CTNNA2: variants seen among roughly 807,000 people sequenced by gnomAD.
CTNNA2 encodes the protein catenin alpha 2, also known as catenin alpha-2.
A neutral mutation model predicts 101.0 loss-of-function variants in CTNNA2; 42 were observed. That is an observed-to-expected ratio of 0.42 (90% CI 0.32 to 0.54). The LOEUF is 0.54. CTNNA2 is among the 20% of genes least tolerant of loss of function. CTNNA2 has a pLI of 0.14. For synonymous variants in CTNNA2, 450 were observed against 456.4 expected, an observed-to-expected ratio of 0.99 and a Z score of 0.18; for missense variants, 871 against 1,223.1, an observed-to-expected ratio of 0.71 and a Z score of 4.29.
intron 2 of CTNNA2, among the ~76,000 whole-genome samples, chr2:79,681,891 C>G (rs1420357016): frequency 2.0e-5 from 3 of 152,138 alleles, no homozygotes; most frequent in Non-Finnish European, 4.4e-5. Context: ...AACAAAGTAT[C>G]TTTGAGGTTT....
intron 3 of CTNNA2, among the ~76,000 whole-genome samples, chr2:79,344,823 AT>A (rs1011338091): frequency 1.4e-5 from 2 of 145,512 alleles, no homozygotes; most frequent in African/African-American, 5.0e-5. Flanking sequence ...TATATATATA[AT>A]ATATAATATA....
intron 7 of CTNNA2, among the ~76,000 whole-genome samples, chr2:80,040,099 G>C (rs1558751724): frequency 6.6e-6 from 1 of 152,134 alleles, no homozygotes; most frequent in Non-Finnish European, 1.5e-5. Context: ...ACCAAACTCT[G>C]GCAGTTTGTA....
chr2:79,300,620 C>T (rs1676086242), intron 2 of CTNNA2, among the ~76,000 whole-genome samples: 2 of 152,138 alleles, frequency 1.3e-5, no homozygotes, highest in Admixed American at 1.3e-4. Flanking sequence ...ACCCAACCAC[C>T]TAAAACCTGA....
intron 7 of CTNNA2, among the ~76,000 whole-genome samples, chr2:80,165,661 G>T (rs943354363): frequency 6.6e-6 from 1 of 152,286 alleles, no homozygotes; most frequent in East Asian, 1.9e-4. Context: ...TGACATCTTA[G>T]TGGGGATGAC....
chr2:80,286,711 A>G, intron 7 of CTNNA2, among the ~76,000 whole-genome samples: 1 of 152,272 alleles, frequency 6.6e-6, no homozygotes. Context: ...ATCAAGCCCT[A>G]CGAAACTTCT....
At chr2:80,615,192 C>A (rs540937189) in intron 17 of CTNNA2, among the ~76,000 whole-genome samples, 1 of 151,612 alleles carries the variant, frequency 6.6e-6, no homozygotes, top group East Asian at 2.0e-4. Context: ...AGATAGAATC[C>A]ATAGCAAAAC....
chr2:80,360,475 T>C (rs2149315837), intron 7 of CTNNA2, among the ~76,000 whole-genome samples: 1 of 152,216 alleles, frequency 6.6e-6, no homozygotes, highest in South Asian at 2.1e-4. Flanking sequence ...AATTGTGCCT[T>C]ATTTTGTAAA....
intron 4 of CTNNA2, among the ~76,000 whole-genome samples, chr2:79,441,887 G>C (rs1678781620): frequency 6.6e-6 from 1 of 152,166 alleles, no homozygotes; most frequent in Non-Finnish European, 1.5e-5. Flanking sequence ...AACAAGTCAA[G>C]TGTTGTCTAT....
At chr2:80,366,225 G>A (rs1002952803) in intron 7 of CTNNA2, among the ~76,000 whole-genome samples, 2 of 152,124 alleles carry the variant, frequency 1.3e-5, no homozygotes, top group Admixed American at 6.6e-5. Context: ...TTCTTCATGG[G>A]CGTGCTCCTC....
intron 4 of CTNNA2, among the ~76,000 whole-genome samples, chr2:79,439,845 A>G (rs1026025522): frequency 6.6e-6 from 1 of 152,174 alleles, no homozygotes; most frequent in Non-Finnish European, 1.5e-5. Context: ...ATATGTTTTA[A>G]CAAGCTCTCT....
At chr2:80,609,844 G>A (rs536122601) in intron 17 of CTNNA2, among the ~76,000 whole-genome samples, 14 of 151,796 alleles carry the variant, frequency 9.2e-5, no homozygotes, top group South Asian at 4.1e-4. Flanking sequence ...TAGCAGAGCC[G>A]CTCTCCATCA....
At chr2:80,337,612 CACAA>C (rs1283745533) in intron 7 of CTNNA2, among the ~76,000 whole-genome samples, 1 of 151,954 alleles carries the variant, frequency 6.6e-6, no homozygotes, top group East Asian at 2.0e-4. Flanking sequence ...AGTGCACACA[CACAA>C]ATACACACAC....
At chr2:79,563,471 A>G (rs1674920528) in intron 1 of CTNNA2, among the ~76,000 whole-genome samples, 1 of 152,070 alleles carries the variant, frequency 6.6e-6, no homozygotes. Context: ...GGAAAGGCAT[A>G]TTAACACTAC....
chr2:80,339,378 A>G (rs1315944783), intron 7 of CTNNA2, among the ~76,000 whole-genome samples: 1 of 152,204 alleles, frequency 6.6e-6, no homozygotes, highest in Non-Finnish European at 1.5e-5. Flanking sequence ...CTTTCAGCAG[A>G]TAGAATATTT....
chr2:79,708,205 T>G (rs1481601875), intron 2 of CTNNA2, among the ~76,000 whole-genome samples: 1 of 152,232 alleles, frequency 6.6e-6, no homozygotes, highest in African/African-American at 2.4e-5. Flanking sequence ...TTTCAGTGTT[T>G]CACTCTTGCC....
At chr2:79,376,222 G>C (rs1677973062) in intron 4 of CTNNA2, among the ~76,000 whole-genome samples, 1 of 152,070 alleles carries the variant, frequency 6.6e-6, no homozygotes. Context: ...GAGAGGGATG[G>C]GGAGGCCAAG....
intron 9 of CTNNA2, among the ~76,000 whole-genome samples, chr2:80,537,919 A>G (rs1691186166): frequency 6.6e-6 from 1 of 152,144 alleles, no homozygotes; most frequent in Non-Finnish European, 1.5e-5. Context: ...AATGATCGCC[A>G]TTCTAACTGG....
At chr2:79,773,829 T>C (rs1006596666) in intron 3 of CTNNA2, among the ~76,000 whole-genome samples, 4 of 152,174 alleles carry the variant, frequency 2.6e-5, no homozygotes, top group African/African-American at 7.2e-5. Context: ...CTTTTGTTTT[T>C]TTCTGTCCAC....
intron 7 of CTNNA2, among the ~76,000 whole-genome samples, chr2:80,232,335 TTG>T (rs368471001): frequency 1.4e-5 from 1 of 73,866 alleles, no homozygotes; most frequent in Non-Finnish European, 2.1e-5. Flanking sequence ...GTTTGTTTGT[TTG>T]TTTGTTTGTT....
Sources: allele counts gnomAD v4.1 joint callset (sites outside exome capture counted in the v4.1 genomes callset), GRCh38; gene constraint gnomAD v4.1.1; transcripts MANE v1.5; gene names NCBI Gene and HGNC (gene_info 2026-07-23, HGNC 2026-07-21).